GRIN2B: variants seen among roughly 807,000 people sequenced by gnomAD.
The protein encoded by GRIN2B is glutamate receptor ionotropic, NMDA 2B.
A neutral mutation model predicts 114.5 loss-of-function variants in GRIN2B; 5 were observed. The ratio of observed to expected loss-of-function variants is 0.04; its 90% CI spans 0.02 to 0.09. The LOEUF is 0.09. Among genes scored for constraint, GRIN2B ranks in the 10% least tolerant of loss-of-function variants. GRIN2B has a pLI of 1.00. For missense variants in GRIN2B, 1,108 were observed against 1,943.5 expected (o/e 0.57, Z 8.08); for synonymous variants, 787 against 745.1 (o/e 1.06, Z -0.92).
chr12:13,680,436 T>TGTGTG (rs374526823), intron 4 of GRIN2B, among the ~76,000 whole-genome samples: 1 of 123,480 alleles, frequency 8.1e-6, no homozygotes, highest in Admixed American at 8.2e-5. Flanking sequence ...CCCATCAAGG[T>TGTGTG]TGTGTGTGTG....
At chr12:13,764,432 A>G (rs556873137) in intron 3 of GRIN2B, among the ~76,000 whole-genome samples, 59 of 152,216 alleles carry the variant, frequency 3.9e-4, no homozygotes, top group African/African-American at 1.3e-3. Context: ...AAAGACCCCA[A>G]CGGAATGCTC....
At chr12:13,567,000 T>A in intron 13 of GRIN2B, 25 bp downstream of exon 13, 1 of 1,496,424 alleles carries the variant, frequency 6.7e-7, no homozygotes, top group Non-Finnish European at 9.3e-7. Flanking sequence ...TAACAAGCTT[T>A]AGGCATTTAA....
intron 2 of GRIN2B, among the ~76,000 whole-genome samples, chr12:13,902,271 A>G (rs11055676): frequency 0.16 from 24,169 of 152,124 alleles, 2,235 homozygotes; most frequent in East Asian, 0.2. Context: ...AAATTCTGAA[A>G]AAAAATCTGC....
chr12:13,736,058 C>A (rs1044384371), intron 4 of GRIN2B, among the ~76,000 whole-genome samples: 1 of 147,190 alleles, frequency 6.8e-6, no homozygotes, highest in Admixed American at 6.9e-5. Context: ...TTTACCTTTG[C>A]AATAGAAATA....
At chr12:13,646,876 T>C (rs1337959769) in intron 5 of GRIN2B, among the ~76,000 whole-genome samples, 7 of 152,064 alleles carry the variant, frequency 4.6e-5, no homozygotes, top group African/African-American at 7.2e-5. Flanking sequence ...CCTCTTGGCC[T>C]TGAGGAAGTA....
intron 5 of GRIN2B, among the ~76,000 whole-genome samples, chr12:13,674,040 A>C (rs1430081098): frequency 6.6e-6 from 1 of 152,060 alleles, no homozygotes; most frequent in Non-Finnish European, 1.5e-5. Context: ...ATGATAACTC[A>C]GTGGAGGGAG....
chr12:13,816,326 T>C (rs1018110425), intron 3 of GRIN2B, among the ~76,000 whole-genome samples: 1 of 152,150 alleles, frequency 6.6e-6, no homozygotes, highest in Admixed American at 6.6e-5. Context: ...TGACAATTGA[T>C]AAGACAAAAA....
At chr12:13,694,018 G>T (rs904757181) in intron 4 of GRIN2B, among the ~76,000 whole-genome samples, 1 of 152,142 alleles carries the variant, frequency 6.6e-6, no homozygotes, top group Non-Finnish European at 1.5e-5. Context: ...GAGAACCTAG[G>T]TTCCACCAGA....
rs141997592 is a variant in GRIN2B at position 13,961,051 on chromosome 12, A to G, written c.-19+18877T>C. On this transcript the variant is annotated intron_variant, in intron 2 of 13. Transcript: ENST00000609686. Reference sequence around the variant, plus strand: ...AAGGCTGGTCATGCCGTCATTCGTGATGATGGGCTCTGGAAGAAAGGATTC... The same window carrying G: ...AAGGCTGGTCATGCCGTCATTCGTGGTGATGGGCTCTGGAAGAAAGGATTC... 8.7e-3 allele frequency among the ~76,000 whole-genome samples: 1,315 copies of G among 151,714 alleles called. 11 individuals are homozygous for G. Among genetic ancestry groups the G allele is most frequent in the Middle Eastern group, 0.024 (7 of 292 alleles).
chr12:13,553,847 A>T lies in GRIN2B; in HGVS notation c.*8936T>A, dbSNP rs1475247642. Reference sequence around the variant, plus strand: ...AGTTTCTCCCTCTGTCACTTACTTGAACACATGTAGTGTTCCAAGTACACT... The same window carrying T: ...AGTTTCTCCCTCTGTCACTTACTTGTACACATGTAGTGTTCCAAGTACACT... On this transcript the variant is annotated 3_prime_UTR_variant, in exon 14 of 14. Transcript: ENST00000609686. 1 of 152,192 alleles carries T rather than the reference A, an allele frequency of 6.6e-6. No homozygotes were observed. Among genetic ancestry groups the T allele is most frequent in the African/African-American group, 2.4e-5 (1 of 41,456 alleles). The allele number at this position is 152,192 out of a possible 1,614,324, so 9.4% of individuals were successfully genotyped here.
intron 3 of GRIN2B, among the ~76,000 whole-genome samples, chr12:13,775,702 A>G (rs1436560546): frequency 6.6e-6 from 1 of 152,220 alleles, no homozygotes; most frequent in African/African-American, 2.4e-5. Flanking sequence ...AAAGTGTACC[A>G]TGCCCCATAG....
intron 4 of GRIN2B, among the ~76,000 whole-genome samples, chr12:13,717,570 C>T (rs1352530511): frequency 1.3e-5 from 2 of 151,838 alleles, no homozygotes; most frequent in South Asian, 2.1e-4. Flanking sequence ...GAATCTGTAC[C>T]GAGTAGGCAT....
rs1367613903 is a variant in GRIN2B, at chr12:13,631,716, C to A, written c.1126-15059G>T. Among the ~76,000 whole-genome samples, 4 of 152,302 alleles carry A rather than the reference C, an allele frequency of 2.6e-5. No individual in the cohort carries two copies. The East Asian group carries it at 7.7e-4, about 29-fold the overall frequency. On this transcript the variant is annotated intron_variant, in intron 5 of 13. Transcript: ENST00000609686. Reference sequence around the variant, plus strand: ...AATCCTGATTTGCCTCACTCCAAAGCCTGGGCTGCTTGCACAGTGCTAAGT... The same window carrying A: ...AATCCTGATTTGCCTCACTCCAAAGACTGGGCTGCTTGCACAGTGCTAAGT...
At chr12:13,632,916 C>T (rs1201236400) in intron 5 of GRIN2B, among the ~76,000 whole-genome samples, 1 of 152,184 alleles carries the variant, frequency 6.6e-6, no homozygotes, top group African/African-American at 2.4e-5. Context: ...CTAATGGGCA[C>T]CAGAATTGAG....
intron 3 of GRIN2B, among the ~76,000 whole-genome samples, chr12:13,784,240 A>T (rs1446905648): frequency 1.0e-5 from 1 of 96,184 alleles, no homozygotes; most frequent in African/African-American, 3.6e-5. Flanking sequence ...AAAAAAAAAA[A>T]AAAAAAAAAA....
intron 2 of GRIN2B, among the ~76,000 whole-genome samples, chr12:13,877,832 G>A (rs1866012390): frequency 6.6e-6 from 1 of 152,092 alleles, no homozygotes; most frequent in Non-Finnish European, 1.5e-5. Flanking sequence ...GGAGGCGGAA[G>A]CAGGCGGATC....
chr12:13,741,311 T>G (rs1863282870), intron 4 of GRIN2B, among the ~76,000 whole-genome samples: 7 of 152,184 alleles, frequency 4.6e-5, no homozygotes, highest in Admixed American at 4.6e-4. Context: ...ATTACAGGCG[T>G]GAGCCACCGC....
chr12:13,672,377 T>C (rs1950030244), intron 5 of GRIN2B, among the ~76,000 whole-genome samples: 1 of 152,136 alleles, frequency 6.6e-6, no homozygotes, highest in African/African-American at 2.4e-5. Flanking sequence ...AAATCCTCCC[T>C]GTAGAATCTT....
intron 3 of GRIN2B, among the ~76,000 whole-genome samples, chr12:13,824,055 T>C (rs767746109): frequency 9.2e-5 from 14 of 152,198 alleles, no homozygotes; most frequent in Non-Finnish European, 1.9e-4. Context: ...TTTTTGAAGA[T>C]TTTTGCTCCT....
Sources: allele counts gnomAD v4.1 joint callset (sites outside exome capture counted in the v4.1 genomes callset), GRCh38; gene constraint gnomAD v4.1.1; transcripts MANE v1.5; gene names NCBI Gene and HGNC (gene_info 2026-07-23, HGNC 2026-07-21).